The following GSE1 variants were observed in gnomAD, a reference collection of about 807,000 sequenced individuals.
GSE1 encodes Gse1 coiled-coil protein.
Under a neutral mutation model 112.6 loss-of-function variants are expected in GSE1, and 32 were observed. The ratio of observed to expected loss-of-function variants is 0.28; its 90% CI spans 0.21 to 0.38. The LOEUF (loss-of-function observed/expected upper bound fraction) is 0.38, where lower values mean the gene tolerates loss of function less well. GSE1 is among the 10% of genes least tolerant of loss of function. The probability of loss-of-function intolerance (pLI) is 1.00; values close to 1 mark genes in which losing one functional copy is unlikely to be tolerated. For missense variants in GSE1, 2,348 were observed against 1,699.2 expected, an observed-to-expected ratio of 1.38 and a Z score of -6.71; for synonymous variants, 1,115 against 735.6, an observed-to-expected ratio of 1.52 and a Z score of -8.35.
intron 2 of GSE1, among the ~76,000 whole-genome samples, chr16:85,510,522 T>C (rs912076426): frequency 7.2e-5 from 11 of 152,276 alleles, no homozygotes; most frequent in Non-Finnish European, 1.5e-4. Context: ...CAGCTGTGTG[T>C]GTGAGAACAG....
At chr16:85,456,766 G>A (rs997092638) in intron 2 of GSE1, among the ~76,000 whole-genome samples, 2 of 152,116 alleles carry the variant, frequency 1.3e-5, no homozygotes, top group African/African-American at 4.8e-5. Context: ...AGGCCCGCTA[G>A]GAGGCTGCTG....
intron 1 of GSE1, among the ~76,000 whole-genome samples, chr16:85,317,324 C>G (rs547850302): frequency 2.6e-5 from 4 of 152,134 alleles, no homozygotes; most frequent in African/African-American, 9.7e-5. Context: ...TGTAGAACGT[C>G]GATAGCCCTC....
intron 1 of GSE1, among the ~76,000 whole-genome samples, chr16:85,558,360 C>G (rs1003236820): frequency 2.0e-5 from 3 of 152,332 alleles, no homozygotes; most frequent in African/African-American, 4.8e-5. Flanking sequence ...AAGAATGAAT[C>G]TTCTTAAGTA....
At chr16:85,556,752 C>CT (rs1384581689) in intron 1 of GSE1, among the ~76,000 whole-genome samples, 56 of 127,866 alleles carry the variant, frequency 4.4e-4, no homozygotes, top group African/African-American at 1.6e-3. Flanking sequence ...GTAGCATGCC[C>CT]CCCCCCCCCC....
intron 1 of GSE1, among the ~76,000 whole-genome samples, chr16:85,630,643 C>G (rs1398751520): frequency 6.6e-6 from 1 of 152,190 alleles, no homozygotes; most frequent in African/African-American, 2.4e-5. Context: ...TACAGTTCAA[C>G]GTATCTTAGC....
At chr16:85,246,951 G>A (rs1039703928) in intron 1 of GSE1, among the ~76,000 whole-genome samples, 6 of 152,160 alleles carry the variant, frequency 3.9e-5, no homozygotes, top group African/African-American at 1.4e-4. Flanking sequence ...TTGCCAAGGC[G>A]CTTCCCAGTG....
At chr16:85,389,450 A>C (rs1597575659) in intron 2 of GSE1, among the ~76,000 whole-genome samples, 1 of 124,910 alleles carries the variant, frequency 8.0e-6, no homozygotes. Context: ...ACAGAGCGAG[A>C]CTCTGTCTCC....
At chr16:85,565,535 C>T (rs946805996) in intron 1 of GSE1, among the ~76,000 whole-genome samples, 1 of 152,216 alleles carries the variant, frequency 6.6e-6, no homozygotes, top group Non-Finnish European at 1.5e-5. Context: ...AGTGCCCACA[C>T]CGGCGAGGGG....
At chr16:85,408,882 C>CA (rs2048398900) in intron 2 of GSE1, among the ~76,000 whole-genome samples, 1 of 25,532 alleles carries the variant, frequency 3.9e-5, no homozygotes, top group Non-Finnish European at 9.5e-5. Context: ...CACTCAGGCC[C>CA]CCTGGATAAT....
intron 2 of GSE1, among the ~76,000 whole-genome samples, chr16:85,427,115 C>G (rs1365183499): frequency 6.6e-6 from 1 of 152,166 alleles, no homozygotes; most frequent in Non-Finnish European, 1.5e-5. Context: ...AACCCCAGCA[C>G]CAGCACTGTG....
At chr16:85,357,810 C>G (rs2046981660) in intron 2 of GSE1, among the ~76,000 whole-genome samples, 1 of 152,120 alleles carries the variant, frequency 6.6e-6, no homozygotes, top group African/African-American at 2.4e-5. Context: ...TTTGGATTTT[C>G]TCTTCCATAC....
chr16:85,263,902 G>C (rs11647456), intron 1 of GSE1, among the ~76,000 whole-genome samples: 1 of 152,124 alleles, frequency 6.6e-6, no homozygotes, highest in Non-Finnish European at 1.5e-5. Context: ...CGTCATTCCA[G>C]GTCTCCTCTG....
chr16:85,231,453 A>AGGATGGATGGAT (rs569342189), intron 1 of GSE1, among the ~76,000 whole-genome samples: 2 of 149,196 alleles, frequency 1.3e-5, no homozygotes, highest in Non-Finnish European at 3.0e-5. Flanking sequence ...GATGGATGGA[A>AGGATGGATGGAT]GGATGGATGG....
chr16:85,454,179 G>C (rs144206597), intron 2 of GSE1, among the ~76,000 whole-genome samples: 1 of 152,232 alleles, frequency 6.6e-6, no homozygotes, highest in Non-Finnish European at 1.5e-5. Context: ...GACTGGCAGC[G>C]TGCAGGGCCC....
At chr16:85,223,223 T>G (rs1454091846) in intron 1 of GSE1, among the ~76,000 whole-genome samples, 1 of 152,220 alleles carries the variant, frequency 6.6e-6, no homozygotes, top group Non-Finnish European at 1.5e-5. Context: ...TTAACCCTTT[T>G]AAAATTGTGG....
chr16:85,552,328 C>CTTTTTT (rs1195413161), upstream of GSE1, among the ~76,000 whole-genome samples: 4 of 47,754 alleles, frequency 8.4e-5, no homozygotes, highest in African/African-American at 1.9e-4. Flanking sequence ...CCCGCCCCTC[C>CTTTTTT]TTTTTTTTTT....
intron 2 of GSE1, among the ~76,000 whole-genome samples, chr16:85,470,976 C>T (rs980858528): frequency 3.3e-5 from 5 of 152,228 alleles, no homozygotes; most frequent in African/African-American, 7.2e-5. Flanking sequence ...GGCAGACACG[C>T]GGCCCACTGA....
At chr16:85,322,950 G>A (rs1013116395) in intron 1 of GSE1, among the ~76,000 whole-genome samples, 2 of 152,160 alleles carry the variant, frequency 1.3e-5, no homozygotes, top group Admixed American at 6.5e-5. Context: ...AGGCTCAGAC[G>A]ACTTCGGGGT....
intron 2 of GSE1, among the ~76,000 whole-genome samples, chr16:85,387,487 C>T (rs976683756): frequency 6.6e-6 from 1 of 152,272 alleles, no homozygotes; most frequent in African/African-American, 2.4e-5. Flanking sequence ...CTTTGCGGGA[C>T]TGGCTTCTTC....
Sources: allele counts gnomAD v4.1 joint callset (sites outside exome capture counted in the v4.1 genomes callset), GRCh38; gene constraint gnomAD v4.1.1; transcripts MANE v1.5; gene names NCBI Gene and HGNC (gene_info 2026-07-23, HGNC 2026-07-21).